Variants in MACC1 observed in about 807,000 individuals in gnomAD.
MACC1 encodes the protein MET transcriptional regulator MACC1.
A neutral mutation model predicts 70.7 loss-of-function variants in MACC1; 79 were observed. The observed-to-expected ratio is 1.12, with a 90% CI of 0.93 to 1.35. The LOEUF (loss-of-function observed/expected upper bound fraction) is 1.35. Ranked by LOEUF, MACC1 falls within the 40% of genes most tolerant of loss-of-function variation. MACC1 has a pLI of 0.00. For synonymous variants in MACC1, 361 were observed against 347.2 expected (o/e 1.04, Z -0.44); for missense variants, 1,106 against 978.1 (o/e 1.13, Z -1.74).
At chr7:20,186,752 C>T (rs934370249) in intron 1 of MACC1, among the ~76,000 whole-genome samples, 2 of 151,948 alleles carry the variant, frequency 1.3e-5, no homozygotes, top group African/African-American at 4.8e-5. Flanking sequence ...AGATGTTAAT[C>T]TCTACACAAT....
At chr7:20,157,620 T>TA (rs377372670) in intron 5 of MACC1, among the ~76,000 whole-genome samples, 1,639 of 137,482 alleles carry the variant, frequency 0.012, 24 homozygotes, top group Admixed American at 0.045. Flanking sequence ...ACTCATCCCT[T>TA]AAAAAAAAAA....
intron 5 of MACC1, among the ~76,000 whole-genome samples, chr7:20,157,906 A>C (rs529870607): frequency 6.6e-6 from 1 of 152,234 alleles, no homozygotes; most frequent in East Asian, 1.9e-4. Context: ...AGAGTTGTCT[A>C]AATATTTGAG....
chr7:20,173,475 G>A (rs1348878656), intron 1 of MACC1, among the ~76,000 whole-genome samples: 1 of 152,148 alleles, frequency 6.6e-6, no homozygotes, highest in Non-Finnish European at 1.5e-5. Context: ...GATTGTCAGG[G>A]TCAATATCTT....
chr7:20,198,109 TG>T (rs1279621901), intron 1 of MACC1, among the ~76,000 whole-genome samples: 1 of 152,126 alleles, frequency 6.6e-6, no homozygotes, highest in African/African-American at 2.4e-5. Flanking sequence ...CAGGAGGGTC[TG>T]ATGTCTGGGT....
rs747822334 is a variant in MACC1, at chr7:20,158,460, T to C, written c.1901A>G (p.Asn634Ser). The C allele has an allele frequency of 1.9e-6, 3 of 1,614,046 alleles. No homozygotes were observed. The highest frequency in any genetic ancestry group is 2.2e-5 in the East Asian group (1 of 44,862). ...AGGCAGGACAATCTGTTCAAGAAGA[T>C]TTCTGGTTGTAAAGACACTATCTGA... ...FMSDSVFTTR[N>S]LLEQIVLPLK... The change falls in exon 5 of 7, where the codon AAT becomes AGT. Residue 634 changes from asparagine to serine, a missense_variant. Coordinates refer to ENST00000400331, the MANE Select transcript of MACC1 (RefSeq NM_182762.4).
chr7:20,145,762 T>G (rs1384303201), intron 6 of MACC1, among the ~76,000 whole-genome samples: 1 of 152,194 alleles, frequency 6.6e-6, no homozygotes, highest in African/African-American at 2.4e-5. Context: ...GCAAGTATCA[T>G]GAGAAATCGA....
rs1464241911 is a variant in MACC1, at chr7:20,134,974, G to A, written c.*5972C>T. On this transcript the variant is annotated 3_prime_UTR_variant, in exon 7 of 7. Coordinates refer to ENST00000400331, the MANE Select transcript of MACC1 (RefSeq NM_182762.4). ...AAATGTGGAATATGATCCTTAGAAA[G>A]AACATCCGATCACCTTATTAACACT... 6.6e-6 allele frequency: 1 copy of A among 152,138 alleles called. No individual in the cohort carries two copies. The highest frequency in any genetic ancestry group is 1.5e-5 in the Non-Finnish European group (1 of 68,018). The allele number at this position is 152,138 out of a possible 1,614,324, so 9.4% of individuals were successfully genotyped here. A position where few individuals can be genotyped will look rare whatever the true frequency, so the allele number is the denominator to read the frequency against.
At chr7:20,149,129 C>T (rs1336902009) in intron 6 of MACC1, among the ~76,000 whole-genome samples, 5 of 152,050 alleles carry the variant, frequency 3.3e-5, no homozygotes, top group African/African-American at 1.2e-4. Context: ...TGTTGTTAAG[C>T]CCATAAGAAA....
intron 2 of MACC1, among the ~76,000 whole-genome samples, chr7:20,167,298 C>T (rs1216337529): frequency 6.6e-6 from 1 of 151,906 alleles, no homozygotes; most frequent in African/African-American, 2.4e-5. Flanking sequence ...CGGGTTCAAG[C>T]AATTCTCCTA....
chr7:20,209,903 T>C, intron 1 of MACC1, among the ~76,000 whole-genome samples: 1 of 152,172 alleles, frequency 6.6e-6, no homozygotes, highest in Non-Finnish European at 1.5e-5. Flanking sequence ...TGACTTCTCA[T>C]GAGATCTGAT....
intron 1 of MACC1, among the ~76,000 whole-genome samples, chr7:20,190,845 T>C (rs928430481): frequency 6.6e-6 from 1 of 152,322 alleles, no homozygotes; most frequent in Non-Finnish European, 1.5e-5. Flanking sequence ...AACATAAGTA[T>C]CACTCCCAAG....
chr7:20,144,422 G>A (rs1781856155), intron 6 of MACC1, among the ~76,000 whole-genome samples: 1 of 152,170 alleles, frequency 6.6e-6, no homozygotes, highest in Non-Finnish European at 1.5e-5. Flanking sequence ...ATAGGTTTGG[G>A]TGGCAGAGTC....
At chr7:20,170,896 G>A (rs1239331636) in intron 1 of MACC1, 118 bp from the exon 2 acceptor site, 2 of 152,236 alleles carry the variant, frequency 1.3e-5, no homozygotes, top group African/African-American at 2.4e-5. Flanking sequence ...GAATGGGTAA[G>A]ATTAAAGAGA....
chr7:20,200,843 C>T (rs79570859), intron 1 of MACC1, among the ~76,000 whole-genome samples: 6,026 of 152,206 alleles, frequency 0.04, 396 homozygotes, highest in African/African-American at 0.14. Context: ...GAGTACCATA[C>T]ACTGGCCAGC....
At chr7:20,186,888 C>T (rs939559983) in intron 1 of MACC1, among the ~76,000 whole-genome samples, 3 of 152,116 alleles carry the variant, frequency 2.0e-5, no homozygotes, top group Non-Finnish European at 4.4e-5. Context: ...AACAGCATAA[C>T]GTATGCTTAG....
intron 2 of MACC1, among the ~76,000 whole-genome samples, chr7:20,169,194 G>A (rs554800984): frequency 1.3e-5 from 2 of 152,256 alleles, no homozygotes; most frequent in South Asian, 4.1e-4. Context: ...AATATTCCCA[G>A]TGATATGTCT....
chr7:20,214,557 C>T (rs1423935739), intron 1 of MACC1, among the ~76,000 whole-genome samples: 2 of 152,088 alleles, frequency 1.3e-5, no homozygotes, highest in African/African-American at 4.8e-5. Context: ...ATGAAAAAAG[C>T]TGATATCTAT....
Position 20,213,426 on chromosome 7 carries a change from T to G in MACC1, c.-218+3873A>C, listed in dbSNP as rs538777669. On this transcript the variant is annotated intron_variant, in intron 1 of 6. Coordinates refer to ENST00000400331, the MANE Select transcript of MACC1 (RefSeq NM_182762.4). ...TTTATCCAGCAATCCCATTACTGGG[T>G]ATATAACCAAAGGAATATGAATCAT... is the stretch of plus-strand genomic sequence containing the variant. Among the ~76,000 whole-genome samples the G allele has an allele frequency of 3.3e-5, 5 of 152,348 alleles. No individual in the cohort carries two copies. The South Asian group carries it at 1.0e-3, about 32-fold the overall frequency.
At position 20,154,284 on chromosome 7, in the gene MACC1, T is replaced by C; in HGVS notation, c.2255A>G (p.Glu752Gly). 1 of 1,613,984 alleles carries C rather than the reference T, an allele frequency of 6.2e-7. No homozygotes were observed. Among genetic ancestry groups the C allele is most frequent in the South Asian group, 1.1e-5 (1 of 91,078 alleles). The change falls in exon 6 of 7, where the codon GAA (glutamate) becomes GGA (glycine). Residue 752 changes from glutamate to glycine, a missense_variant. Glu to Gly is a moderately conservative substitution (Grantham distance 98, BLOSUM62 -2). Transcript: ENST00000400331. ...GAGTCGTACTAACTTTTCAGCTAGTTCCCTCCAGCCTTTTCCAAGCTTGAC... is the reference window on the plus strand; with the variant it reads ...GAGTCGTACTAACTTTTCAGCTAGTCCCCTCCAGCCTTTTCCAAGCTTGAC... ...SAVKLGKGWR[E>G]LAEKLVRLTK...
Sources: gnomAD v4.1 joint callset for allele counts (sites outside exome capture counted in the v4.1 genomes callset) on GRCh38, gnomAD v4.1.1 for gene constraint, MANE v1.5 for transcripts, NCBI Gene and HGNC (gene_info 2026-07-23, HGNC 2026-07-21) for gene names.